CTNND2: variants seen among roughly 807,000 people sequenced by gnomAD.
The protein encoded by CTNND2 is catenin delta 2, also known as catenin delta-2.
Under a neutral mutation model 144.4 loss-of-function variants are expected in CTNND2, and 22 were observed. The ratio of observed to expected loss-of-function variants is 0.15; its 90% CI spans 0.11 to 0.22. The LOEUF is 0.22. Among genes scored for constraint, CTNND2 ranks in the 10% least tolerant of loss-of-function variants. The pLI is 1.00. For synonymous variants in CTNND2, 751 were observed against 695.6 expected (o/e 1.08, Z -1.25); for missense variants, 1,353 against 1,618.8 (o/e 0.84, Z 2.82).
At chr5:11,521,202 G>GT (rs1772688956) in intron 3 of CTNND2, among the ~76,000 whole-genome samples, 1 of 152,140 alleles carries the variant, frequency 6.6e-6, no homozygotes, top group African/African-American at 2.4e-5. Context: ...ATTTCTTAAT[G>GT]TTTTTTACCT....
At chr5:11,239,049 T>G (rs1741944706) in intron 9 of CTNND2, among the ~76,000 whole-genome samples, 1 of 152,258 alleles carries the variant, frequency 6.6e-6, no homozygotes, top group South Asian at 2.1e-4. Flanking sequence ...ACTAAATACC[T>G]GTAAATTAAA....
At chr5:11,634,085 C>A (rs1297201002) in intron 2 of CTNND2, among the ~76,000 whole-genome samples, 1 of 152,138 alleles carries the variant, frequency 6.6e-6, no homozygotes, top group Non-Finnish European at 1.5e-5. Flanking sequence ...TCCAGCCACC[C>A]CAATTTCACC....
intron 18 of CTNND2, among the ~76,000 whole-genome samples, chr5:11,013,068 T>C (rs1741254836): frequency 6.6e-6 from 1 of 152,208 alleles, no homozygotes; most frequent in African/African-American, 2.4e-5. Context: ...CTCACGCTTC[T>C]TCCCTTAAGC....
intron 11 of CTNND2, 63 bp from the exon 12 acceptor site, chr5:11,159,822 TCTTC>T (rs1758590067): frequency 1.5e-6 from 2 of 1,348,460 alleles, no homozygotes; most frequent in Non-Finnish European, 2.0e-6. Context: ...TCCAAAACTG[TCTTC>T]CTTATTTGAG....
At chr5:11,416,240 T>A (rs1761927503) in intron 3 of CTNND2, among the ~76,000 whole-genome samples, 1 of 152,168 alleles carries the variant, frequency 6.6e-6, no homozygotes, top group South Asian at 2.1e-4. Flanking sequence ...TTTCTGTTCA[T>A]CTCTATCAAA....
chr5:11,103,050 T>G (rs1752069176), intron 14 of CTNND2, among the ~76,000 whole-genome samples: 1 of 146,254 alleles, frequency 6.8e-6, no homozygotes, highest in South Asian at 2.2e-4. Flanking sequence ...GGCACAATCT[T>G]GGCTCACTGC....
chr5:11,897,349 ACT>A (rs1737477788), intron 1 of CTNND2, among the ~76,000 whole-genome samples: 1 of 152,256 alleles, frequency 6.6e-6, no homozygotes, highest in Non-Finnish European at 1.5e-5. Context: ...TCATGCTTAG[ACT>A]TAAATACAAC....
chr5:11,218,761 G>A (rs1467514090), intron 10 of CTNND2, among the ~76,000 whole-genome samples: 3 of 152,186 alleles, frequency 2.0e-5, no homozygotes, highest in Admixed American at 1.3e-4. Context: ...TCTGTATAGA[G>A]AGGTGTTGCG....
chr5:11,337,869 A>G (rs965760167), intron 9 of CTNND2, among the ~76,000 whole-genome samples: 2 of 152,170 alleles, frequency 1.3e-5, no homozygotes, highest in African/African-American at 4.8e-5. Context: ...TATTTTGTAA[A>G]AATTTCATGC....
At position 11,703,659 on chromosome 5, in the gene CTNND2, G is replaced by A. The variant is rs113873493; in HGVS notation, c.174+28477C>T. Among the ~76,000 whole-genome samples, 80 of 152,312 alleles carry A rather than the reference G, an allele frequency of 5.3e-4. 1 individual carries two copies. The highest frequency in any genetic ancestry group is 1.7e-3 in the African/African-American group (72 of 41,562). On this transcript the variant is annotated intron_variant, in intron 2 of 21. Transcript: ENST00000304623. ...GAATAAAATATTGTCTCTGCCCTCAGGGAGTAGACAATTTCACAGTATTAC... is the reference window on the plus strand; with the variant it reads ...GAATAAAATATTGTCTCTGCCCTCAAGGAGTAGACAATTTCACAGTATTAC...
chr5:11,076,609 T>C (rs948858977), intron 16 of CTNND2, among the ~76,000 whole-genome samples: 1 of 152,194 alleles, frequency 6.6e-6, no homozygotes, highest in Non-Finnish European at 1.5e-5. Flanking sequence ...CAAAGATCTA[T>C]CTATAGCATA....
chr5:11,123,536 T>A (rs1222856795), intron 12 of CTNND2, among the ~76,000 whole-genome samples: 1 of 152,214 alleles, frequency 6.6e-6, no homozygotes, highest in African/African-American at 2.4e-5. Context: ...AGAGGTCTGC[T>A]CTGGATAGCT....
chr5:11,832,571 T>C (rs1188646809), intron 1 of CTNND2, among the ~76,000 whole-genome samples: 3 of 152,170 alleles, frequency 2.0e-5, no homozygotes, highest in Non-Finnish European at 2.9e-5. Flanking sequence ...TCAACATCAA[T>C]GGCTGTTTGG....
At chr5:11,302,460 GT>G (rs1749711510) in intron 9 of CTNND2, among the ~76,000 whole-genome samples, 2 of 152,122 alleles carry the variant, frequency 1.3e-5, no homozygotes, top group African/African-American at 4.8e-5. Flanking sequence ...TCTGTTCCTT[GT>G]GCTACTTCCT....
At chr5:11,558,341 C>CACGTGTGT (rs1554083650) in intron 3 of CTNND2, among the ~76,000 whole-genome samples, 3,071 of 132,120 alleles carry the variant, frequency 0.023, 38 homozygotes, top group East Asian at 0.039. Context: ...GTGAGAAACA[C>CACGTGTGT]GTGTGTGTGT....
chr5:11,705,592 C>T (rs1429609483), intron 2 of CTNND2, among the ~76,000 whole-genome samples: 1 of 152,122 alleles, frequency 6.6e-6, no homozygotes, highest in Admixed American at 6.5e-5. Context: ...TTGCTTTATT[C>T]ATATAGGAAC....
intron 16 of CTNND2, among the ~76,000 whole-genome samples, chr5:11,041,702 T>G (rs943211506): frequency 6.6e-6 from 1 of 152,190 alleles, no homozygotes; most frequent in Non-Finnish European, 1.5e-5. Context: ...ACAAATTGCA[T>G]GAGGCTTTTG....
At chr5:11,516,877 T>C (rs781549471) in intron 3 of CTNND2, among the ~76,000 whole-genome samples, 2 of 152,172 alleles carry the variant, frequency 1.3e-5, no homozygotes, top group Non-Finnish European at 2.9e-5. Flanking sequence ...AGCTCAACAA[T>C]CTTAAAAAAG....
intron 1 of CTNND2, among the ~76,000 whole-genome samples, chr5:11,869,504 T>C (rs1247075382): frequency 1.3e-5 from 2 of 152,182 alleles, no homozygotes; most frequent in African/African-American, 4.8e-5. Context: ...ATTCCACCTA[T>C]ATGAAGTACC....
Sources: gnomAD v4.1 joint callset for allele counts (sites outside exome capture counted in the v4.1 genomes callset) on GRCh38, gnomAD v4.1.1 for gene constraint, MANE v1.5 for transcripts, NCBI Gene and HGNC (gene_info 2026-07-23, HGNC 2026-07-21) for gene names.